Variants in GRM1 observed in about 807,000 individuals in gnomAD.
GRM1 encodes the protein metabotropic glutamate receptor 1.
In GRM1, 33 loss-of-function variants were observed where a neutral mutation model predicts 90.9. That is an observed-to-expected ratio of 0.36 (90% CI 0.28 to 0.49). GRM1 has a LOEUF of 0.49. Ranked by LOEUF, GRM1 falls within the 20% of genes least tolerant of loss-of-function variation. The probability of loss-of-function intolerance (pLI) is 0.99; values close to 1 mark genes in which losing one functional copy is unlikely to be tolerated. For synonymous variants in GRM1, 700 were observed against 613.2 expected (o/e 1.14, Z -2.09); for missense variants, 1,190 against 1,534.3 (o/e 0.78, Z 3.75).
intron 1 of GRM1, among the ~76,000 whole-genome samples, chr6:146,148,954 T>C (rs1001360750): frequency 3.9e-5 from 6 of 152,206 alleles, no homozygotes; most frequent in African/African-American, 1.4e-4. Flanking sequence ...TGAACCTGTT[T>C]CTTGCACGTG....
chr6:146,055,661 C>T (rs193149294), intron 1 of GRM1, among the ~76,000 whole-genome samples: 2 of 152,028 alleles, frequency 1.3e-5, no homozygotes, highest in South Asian at 2.1e-4. Context: ...TCTGACAGCA[C>T]GTAGGCAGCA....
intron 1 of GRM1, among the ~76,000 whole-genome samples, chr6:146,127,697 T>G (rs139226899): frequency 2.0e-3 from 302 of 152,354 alleles, no homozygotes; most frequent in African/African-American, 7.0e-3. Context: ...TCCTGCTAAC[T>G]CTTAGGAGCT....
chr6:146,135,122 T>A (rs1213594630), intron 1 of GRM1, among the ~76,000 whole-genome samples: 1 of 152,168 alleles, frequency 6.6e-6, no homozygotes, highest in Non-Finnish European at 1.5e-5. Flanking sequence ...TGCATATATA[T>A]AAATTATTTA....
At chr6:146,412,109 A>C (rs1391208255) in intron 7 of GRM1, among the ~76,000 whole-genome samples, 1 of 152,216 alleles carries the variant, frequency 6.6e-6, no homozygotes, top group Admixed American at 6.5e-5. Context: ...AGCAATGGTC[A>C]AGTCTTGTCT....
At chr6:146,343,868 A>AT (rs1033331611) in intron 3 of GRM1, among the ~76,000 whole-genome samples, 5 of 151,614 alleles carry the variant, frequency 3.3e-5, no homozygotes, top group Admixed American at 6.6e-5. Context: ...ACTACACATG[A>AT]TTTTTTTTCC....
intron 1 of GRM1, among the ~76,000 whole-genome samples, chr6:146,070,012 A>C (rs1775973132): frequency 6.6e-6 from 1 of 152,106 alleles, no homozygotes; most frequent in Admixed American, 6.6e-5. Context: ...AAATACCCCA[A>C]AAGTCTAATA....
At chr6:146,268,056 G>A (rs546119874) in intron 2 of GRM1, among the ~76,000 whole-genome samples, 11 of 152,258 alleles carry the variant, frequency 7.2e-5, no homozygotes, top group Non-Finnish European at 1.5e-4. Flanking sequence ...GAAGCCCTGT[G>A]AATTCTGATT....
intron 2 of GRM1, among the ~76,000 whole-genome samples, chr6:146,264,943 A>G (rs150541658): frequency 2.0e-3 from 308 of 152,246 alleles, no homozygotes; most frequent in African/African-American, 7.1e-3. Flanking sequence ...CACTTGATGA[A>G]CACTTAGGTT....
At chr6:146,351,819 A>G (rs1785421058) in intron 3 of GRM1, among the ~76,000 whole-genome samples, 1 of 152,246 alleles carries the variant, frequency 6.6e-6, no homozygotes, top group African/African-American at 2.4e-5. Context: ...GGTTTAGATA[A>G]TGCATAAATT....
intron 3 of GRM1, among the ~76,000 whole-genome samples, chr6:146,323,882 G>C (rs1341437501): frequency 1.3e-5 from 2 of 152,136 alleles, no homozygotes; most frequent in African/African-American, 2.4e-5. Context: ...TCTCAGGTTT[G>C]TCAAAGATCA....
chr6:146,347,201 T>A (rs1387503467), intron 3 of GRM1, among the ~76,000 whole-genome samples: 1 of 152,214 alleles, frequency 6.6e-6, no homozygotes, highest in Non-Finnish European at 1.5e-5. Context: ...TAATAATTTT[T>A]GCTAACAAAT....
chr6:146,099,814 T>C (rs1776991800), intron 1 of GRM1, among the ~76,000 whole-genome samples: 1 of 152,208 alleles, frequency 6.6e-6, no homozygotes, highest in South Asian at 2.1e-4. Context: ...TAAGGCAATT[T>C]GGACTGTTTG....
Position 146,260,804 on chromosome 6 carries a change from G to GTT in GRM1, c.951-43775_951-43774dup, listed in dbSNP as rs56956724. Among the ~76,000 whole-genome samples, 50 of 22,740 alleles carry GTT rather than the reference G, an allele frequency of 2.2e-3. 2 individuals are homozygous for GTT. The highest frequency in any genetic ancestry group is 2.9e-3 in the East Asian group (2 of 692). The allele number at this position is 22,740 out of a possible 152,430, so 14.9% of individuals were successfully genotyped here. On this transcript the variant is annotated intron_variant, in intron 2 of 7. Transcript: ENST00000282753. ...CCCATTTTTTAATTAGGTTATTTGG[G>GTT]TTTTTTTTTTTTTTTTTTTTTTTTT...
At chr6:146,080,679 G>A (rs1173678670) in intron 1 of GRM1, among the ~76,000 whole-genome samples, 1 of 152,096 alleles carries the variant, frequency 6.6e-6, no homozygotes, top group East Asian at 1.9e-4. Flanking sequence ...ATGGGGTTGG[G>A]TGGGAGGACA....
chr6:146,220,692 A>G (rs1368249792), intron 2 of GRM1, among the ~76,000 whole-genome samples: 1 of 151,900 alleles, frequency 6.6e-6, no homozygotes, highest in Non-Finnish European at 1.5e-5. Flanking sequence ...AGTTTCTCCC[A>G]TGTGCCATAA....
intron 1 of GRM1, among the ~76,000 whole-genome samples, chr6:146,085,422 A>G (rs1161853068): frequency 4.6e-5 from 7 of 152,164 alleles, no homozygotes; most frequent in Non-Finnish European, 7.4e-5. Flanking sequence ...AAGATGGTAT[A>G]GACTATTCTT....
Position 146,108,491 on chromosome 6 carries a change from C to T in GRM1, c.701-50857C>T, listed in dbSNP as rs148390637. 4.4e-3 allele frequency among the ~76,000 whole-genome samples: 676 copies of T among 152,262 alleles called. 4 individuals are homozygous for T. The highest frequency in any genetic ancestry group is 7.4e-3 in the Non-Finnish European group (506 of 68,000). Reference sequence around the variant, plus strand: ...CATTTGAAATGTGCCTTTCACCTTCCGCCATGATTGTGAGGCCTCCCCAGC... The same window carrying T: ...CATTTGAAATGTGCCTTTCACCTTCTGCCATGATTGTGAGGCCTCCCCAGC... On this transcript the variant is annotated intron_variant, in intron 1 of 7. Transcript: ENST00000282753.
At chr6:146,420,111 T>G (rs757660058) in intron 7 of GRM1, among the ~76,000 whole-genome samples, 10 of 152,180 alleles carry the variant, frequency 6.6e-5, no homozygotes, top group Non-Finnish European at 1.3e-4. Flanking sequence ...AAAGATAAGC[T>G]GAATACATCT....
chr6:146,073,771 C>G (rs1175331726), intron 1 of GRM1, among the ~76,000 whole-genome samples: 1 of 152,026 alleles, frequency 6.6e-6, no homozygotes, highest in African/African-American at 2.4e-5. Flanking sequence ...GGAAAAATAG[C>G]TACAACTGAG....
Sources: allele counts gnomAD v4.1 joint callset (sites outside exome capture counted in the v4.1 genomes callset), GRCh38; gene constraint gnomAD v4.1.1; transcripts MANE v1.5; gene names NCBI Gene and HGNC (gene_info 2026-07-23, HGNC 2026-07-21).